PIN4: variants seen among roughly 807,000 people sequenced by gnomAD.
The protein encoded by PIN4 is peptidyl-prolyl cis-trans isomerase NIMA-interacting 4.
Under a neutral mutation model 8.3 loss-of-function variants are expected in PIN4, and 3 were observed. That is an observed-to-expected ratio of 0.36 (90% CI 0.16 to 0.93). The LOEUF (loss-of-function observed/expected upper bound fraction) is 0.93. Among genes scored for constraint, PIN4 ranks in the 40% least tolerant of loss-of-function variants. The pLI, the probability that PIN4 is intolerant of heterozygous loss-of-function variation, is 0.44. For missense variants in PIN4, 75 were observed against 100.6 expected (o/e 0.75, Z 1.09); for synonymous variants, 18 against 32.5 (o/e 0.55, Z 1.52).
intron 3 of PIN4, among the ~76,000 whole-genome samples, chrX:72,261,063 C>G (rs1275328602): frequency 1.8e-5 from 2 of 111,239 alleles, no homozygotes. Flanking sequence ...TTTGGGAGGC[C>G]GAGGTGGGTG....
chrX:72,239,064 C>T, intron 3 of PIN4: 1 of 529,673 alleles, frequency 1.9e-6, no homozygotes, highest in Non-Finnish European at 3.0e-6. Flanking sequence ...AGCCAACCGA[C>T]GGCCTCGCGG....
chrX:72,191,507 C>CAT (rs1569488470), intron 2 of PIN4, among the ~76,000 whole-genome samples: 2 of 109,846 alleles, frequency 1.8e-5, no homozygotes, highest in African/African-American at 3.3e-5. Flanking sequence ...GCTGAGATTG[C>CAT]GCCACTGCAC....
intron 1 of PIN4, among the ~76,000 whole-genome samples, chrX:72,182,953 C>T (rs189653222): frequency 1.8e-5 from 2 of 111,638 alleles, no homozygotes; most frequent in Non-Finnish European, 3.8e-5. Flanking sequence ...ATCAGAAAGA[C>T]CTGTAAGGAG....
intron 3 of PIN4, among the ~76,000 whole-genome samples, chrX:72,241,461 G>A (rs904356924): frequency 2.7e-5 from 3 of 111,778 alleles, no homozygotes. Flanking sequence ...TACCAATCCT[G>A]CTGGCACCTT....
Position 72,244,584 on chromosome X carries a change from A to G in PIN4, c.313-18123A>G, listed in dbSNP as rs2043060648. Among the ~76,000 whole-genome samples, 3 of 111,715 alleles carry G rather than the reference A, an allele frequency of 2.7e-5. No homozygotes were observed. The Admixed American group carries it at 2.9e-4, about 11-fold the overall frequency. ...GCCAATGGGAAAGAAGGAAGTGACC[A>G]GTCCAAGGTCAGACCCTGAACCTGT... is the stretch of plus-strand genomic sequence containing the variant. On this transcript the variant is annotated intron_variant, in intron 3 of 3. Coordinates refer to the PIN4 transcript ENST00000423432.
rs2042747781 is a variant in PIN4 at position 72,193,639 on chromosome X, G to A, written c.118-3146G>A. On this transcript the variant is annotated intron_variant, in intron 2 of 3. Coordinates refer to ENST00000373669, the MANE Select transcript of PIN4 (RefSeq NM_006223.4). ...AATCCCAACATTTTTGGGAGGTTGA[G>A]GTAGGCAGATCACTTGAGGTCAGGA... Among the ~76,000 whole-genome samples the A allele has an allele frequency of 3.6e-5, 4 of 111,821 alleles. No homozygotes were observed. The South Asian group carries it at 1.5e-3, about 41-fold the overall frequency.
intron 3 of PIN4, among the ~76,000 whole-genome samples, chrX:72,258,963 T>A (rs202184350): frequency 0.054 from 5,288 of 98,387 alleles, 259 homozygotes; most frequent in African/African-American, 0.19. Context: ...ATAAAAAAAA[T>A]TTTTTTACAA....
chrX:72,212,861 TG>T (rs1456303301), intron 3 of PIN4, among the ~76,000 whole-genome samples: 1 of 111,243 alleles, frequency 9.0e-6, no homozygotes, highest in Non-Finnish European at 1.9e-5. Context: ...AGGGATGGCT[TG>T]AGCCTGGGAG....
intron 3 of PIN4, among the ~76,000 whole-genome samples, chrX:72,211,335 C>A (rs902875528): frequency 4.6e-5 from 5 of 109,791 alleles, no homozygotes; most frequent in African/African-American, 1.6e-4. Flanking sequence ...AGAACCATAA[C>A]CCTCAAGCAA....
chrX:72,251,095 C>T (rs1386922100), intron 3 of PIN4, among the ~76,000 whole-genome samples: 4 of 105,000 alleles, frequency 3.8e-5, no homozygotes, highest in Admixed American at 3.0e-4. Flanking sequence ...CGGTGGCTCA[C>T]GCCTGTAATC....
chrX:72,192,434 C>T (rs1013476995), intron 2 of PIN4, among the ~76,000 whole-genome samples: 2 of 111,535 alleles, frequency 1.8e-5, no homozygotes, highest in South Asian at 3.7e-4. Flanking sequence ...ATCATTGTTC[C>T]ATCATTGCAC....
At chrX:72,211,070 G>C (rs552158363) in intron 3 of PIN4, among the ~76,000 whole-genome samples, 2 of 111,602 alleles carry the variant, frequency 1.8e-5, no homozygotes, top group Admixed American at 1.9e-4. Context: ...AATGCAGTTT[G>C]ATTTAGCCAC....
At chrX:72,223,514 C>G (rs1236124282) in intron 3 of PIN4, among the ~76,000 whole-genome samples, 2 of 106,104 alleles carry the variant, frequency 1.9e-5, no homozygotes, top group African/African-American at 6.9e-5. Flanking sequence ...CTCAGCCTCC[C>G]GAGTAGCTGG....
chrX:72,256,277 T>G (rs2043110550), intron 3 of PIN4, among the ~76,000 whole-genome samples: 1 of 111,961 alleles, frequency 8.9e-6, no homozygotes, highest in African/African-American at 3.2e-5. Flanking sequence ...CAACAGGATC[T>G]CTAGATTTAT....
chrX:72,209,973 A>G (rs781335502), intron 3 of PIN4, among the ~76,000 whole-genome samples: 1 of 110,019 alleles, frequency 9.1e-6, no homozygotes, highest in South Asian at 3.8e-4. Flanking sequence ...CTAAACCTAC[A>G]AAACTTAGGA....
intron 3 of PIN4, among the ~76,000 whole-genome samples, chrX:72,251,012 TTACAGGC>T (rs1252692587): frequency 1.9e-5 from 2 of 106,569 alleles, no homozygotes; most frequent in African/African-American, 6.8e-5. Flanking sequence ...AGTGCTGGGA[TTACAGGC>T]ATGAGCCACC....
intron 3 of PIN4, chrX:72,207,054 G>A (rs1057227288): frequency 1.7e-6 from 2 of 1,209,680 alleles, no homozygotes; most frequent in African/African-American, 3.5e-5. Context: ...GTCCAATTCG[G>A]TAAACTCTAT....
intron 3 of PIN4, among the ~76,000 whole-genome samples, chrX:72,237,441 A>T (rs1374122511): frequency 9.0e-6 from 1 of 111,070 alleles, no homozygotes; most frequent in Admixed American, 9.6e-5. Flanking sequence ...TACCAAAAAT[A>T]CAAAAAATTA....
chrX:72,190,673 C>T (rs1052090756), intron 2 of PIN4, among the ~76,000 whole-genome samples: 7 of 110,886 alleles, frequency 6.3e-5, no homozygotes, highest in East Asian at 2.8e-4. Context: ...AAAATTCAGC[C>T]GGGCGCCGGT....
Sources: gnomAD v4.1 joint callset for allele counts (sites outside exome capture counted in the v4.1 genomes callset) on GRCh38, gnomAD v4.1.1 for gene constraint, MANE v1.5 for transcripts, NCBI Gene and HGNC (gene_info 2026-07-23, HGNC 2026-07-21) for gene names.